ORC4: variants seen among roughly 807,000 people sequenced by gnomAD.
ORC4 encodes the protein origin recognition complex, subunit 4 homolog.
In ORC4, 55 loss-of-function variants were observed where a neutral mutation model predicts 63.9. The ratio of observed to expected loss-of-function variants is 0.86; its 90% CI spans 0.69 to 1.08. The LOEUF is 1.08. Ranked by LOEUF, ORC4 falls within the 50% of genes least tolerant of loss-of-function variation. The pLI, the probability that ORC4 is intolerant of heterozygous loss-of-function variation, is 0.00. For synonymous variants in ORC4, 150 were observed against 168.5 expected, an observed-to-expected ratio of 0.89 and a Z score of 0.85; for missense variants, 511 against 504.4, an observed-to-expected ratio of 1.01 and a Z score of -0.13.
rs185933488 is a variant in ORC4, at chr2:147,955,324, C to T, written c.436+23G>A. 3.0e-4 allele frequency: 453 copies of T among 1,529,656 alleles called. 1 individual carries two copies. The East Asian group carries it at 7.1e-3, about 24-fold the overall frequency. The allele number at this position is 1,529,656 out of a possible 1,614,324, so 94.8% of individuals were successfully genotyped here. ...TAAAGTTAAAACAGATCTTCTGAAA[C>T]GGCTGAATATGTTAATATTTACCTT... is the stretch of plus-strand genomic sequence containing the variant. On this transcript the variant is annotated intron_variant, in intron 7 of 13. Transcript: ENST00000392857.
intron 1 of ORC4, among the ~76,000 whole-genome samples, chr2:148,000,723 G>T (rs1424699572): frequency 6.6e-6 from 1 of 152,044 alleles, no homozygotes. Flanking sequence ...TGGATAAACT[G>T]ATAAAAATAC....
intron 1 of ORC4, among the ~76,000 whole-genome samples, chr2:148,010,151 A>C (rs1445510584): frequency 6.6e-6 from 1 of 152,194 alleles, no homozygotes; most frequent in East Asian, 1.9e-4. Context: ...ACAAATGAAA[A>C]TGGAAACACA....
Position 147,948,837 on chromosome 2 carries a change from A to T in ORC4, c.589-613T>A, listed in dbSNP as rs541690835. 3.3e-5 allele frequency among the ~76,000 whole-genome samples: 5 copies of T among 151,646 alleles called. No homozygotes were observed. The South Asian group carries it at 1.0e-3, about 31-fold the overall frequency. ...CGAAGTGTTCTTAAATGAAGAAAATACTTCCACAAAACTGATAGGCATTCA... is the reference window on the plus strand; with the variant it reads ...CGAAGTGTTCTTAAATGAAGAAAATTCTTCCACAAAACTGATAGGCATTCA... On this transcript the variant is annotated intron_variant, in intron 8 of 13. Transcript: ENST00000392857.
chr2:147,955,508 G>T, intron 6 of ORC4, 113 bp from the exon 7 acceptor site: 1 of 746,100 alleles, frequency 1.3e-6, no homozygotes, highest in South Asian at 1.6e-5. Context: ...AGTTATTAGA[G>T]TCATTGCCCA....
At chr2:147,982,235 C>T (rs1690930692) in intron 1 of ORC4, among the ~76,000 whole-genome samples, 1 of 151,902 alleles carries the variant, frequency 6.6e-6, no homozygotes, top group African/African-American at 2.4e-5. Context: ...TTTTATTTTT[C>T]CTAATCAGTG....
intron 1 of ORC4, among the ~76,000 whole-genome samples, chr2:147,976,438 C>A (rs1690562058): frequency 6.6e-6 from 1 of 152,076 alleles, no homozygotes; most frequent in African/African-American, 2.4e-5. Context: ...TTGGGTGATT[C>A]ACTTTATTGT....
rs1687809555 is a variant in ORC4, at chr2:147,932,259, G to C, written c.*3251C>G. On this transcript the variant is annotated 3_prime_UTR_variant, in exon 14 of 14. Transcript: ENST00000392857. ...AATCCAACTTACAAGGGATGTGAAGGACCTCTTCAAGGAGAACTACAAGCT... is the reference window on the plus strand; with the variant it reads ...AATCCAACTTACAAGGGATGTGAAGCACCTCTTCAAGGAGAACTACAAGCT... 6.6e-6 allele frequency: 1 copy of C among 151,880 alleles called. No homozygotes were observed. The highest frequency in any genetic ancestry group is 1.5e-5 in the Non-Finnish European group (1 of 68,006). The allele number at this position is 151,880 out of a possible 1,614,324, so 9.4% of individuals were successfully genotyped here.
Position 147,962,504 on chromosome 2 carries a change from T to C in ORC4, c.226-3638A>G, listed in dbSNP as rs539371137. ...CCATCTTCATTCCACCAAGCCCACA[T>C]AGGTGGCTGAACACACAACTCTAGC... On this transcript the variant is annotated intron_variant, in intron 4 of 13. Coordinates refer to ENST00000392857, the MANE Select transcript of ORC4 (RefSeq NM_181741.4). Among the ~76,000 whole-genome samples the C allele has an allele frequency of 2.1e-3, 321 of 152,176 alleles. 3 individuals carry two copies. The highest frequency in any genetic ancestry group is 7.3e-3 in the African/African-American group (305 of 41,512).
At chr2:148,020,402 G>A (rs1473390006) in intron 1 of ORC4, among the ~76,000 whole-genome samples, 2 of 152,130 alleles carry the variant, frequency 1.3e-5, no homozygotes, top group Non-Finnish European at 2.9e-5. Context: ...CAGGATCCCT[G>A]CACTTGTCAA....
chr2:147,999,710 G>T (rs937011268), intron 1 of ORC4, among the ~76,000 whole-genome samples: 24 of 151,908 alleles, frequency 1.6e-4, no homozygotes, highest in African/African-American at 4.8e-4. Context: ...TGACACCAGG[G>T]GTTTCCACCC....
intron 1 of ORC4, among the ~76,000 whole-genome samples, chr2:148,015,583 G>A (rs1693229945): frequency 6.6e-6 from 1 of 151,734 alleles, no homozygotes; most frequent in South Asian, 2.1e-4. Flanking sequence ...CAAAGTGCTG[G>A]GATTACAGGT....
At position 147,989,639 on chromosome 2, in the gene ORC4, G is replaced by A. The variant is rs146099044; in HGVS notation, c.-17-13664C>T. On this transcript the variant is annotated intron_variant, in intron 1 of 13. Coordinates refer to ENST00000392857, the MANE Select transcript of ORC4 (RefSeq NM_181741.4). ...GGAGAACTGCTTGAACCCAGGAGGC[G>A]GAGGTTGCAGTGAGCCAAGATCGCC... 7.1e-3 allele frequency among the ~76,000 whole-genome samples: 1,075 copies of A among 152,118 alleles called. 11 individuals are homozygous for A. The highest frequency in any genetic ancestry group is 0.024 in the African/African-American group (1,009 of 41,480).
At chr2:147,965,139 C>A (rs143526390) in intron 4 of ORC4, among the ~76,000 whole-genome samples, 3 of 151,984 alleles carry the variant, frequency 2.0e-5, no homozygotes, top group African/African-American at 2.4e-5. Flanking sequence ...ACTGGTACTG[C>A]GGATACATAA....
intron 4 of ORC4, among the ~76,000 whole-genome samples, chr2:147,965,143 T>C (rs1354981358): frequency 1.3e-5 from 2 of 151,926 alleles, no homozygotes; most frequent in Non-Finnish European, 2.9e-5. Context: ...GTACTGCGGA[T>C]ACATAAAGGA....
intron 13 of ORC4, among the ~76,000 whole-genome samples, chr2:147,937,613 A>T (rs1486163279): frequency 6.6e-6 from 1 of 152,160 alleles, no homozygotes; most frequent in Non-Finnish European, 1.5e-5. Context: ...TTAAAATTAA[A>T]CCTTTTTATT....
At chr2:147,988,295 C>G (rs1014792906) in intron 1 of ORC4, among the ~76,000 whole-genome samples, 2 of 151,660 alleles carry the variant, frequency 1.3e-5, no homozygotes, top group African/African-American at 2.4e-5. Flanking sequence ...ACTGTCAGCT[C>G]ATTAATACAC....
chr2:148,005,656 C>CAAAAAAAAAAAAAAAAAAAAAA (rs55869341), intron 1 of ORC4, among the ~76,000 whole-genome samples: 4 of 51,492 alleles, frequency 7.8e-5, no homozygotes, highest in Admixed American at 2.6e-4. Flanking sequence ...ACTATCCATG[C>CAAAAAAAAAAAAAAAAAAAAAA]AAAAAAAAAA....
intron 1 of ORC4, among the ~76,000 whole-genome samples, chr2:147,982,984 A>G (rs990313409): frequency 1.3e-5 from 2 of 152,252 alleles, no homozygotes; most frequent in African/African-American, 4.8e-5. Flanking sequence ...AAGATGTTTA[A>G]TATCATTATC....
intron 1 of ORC4, among the ~76,000 whole-genome samples, chr2:147,986,563 A>G (rs1484824667): frequency 1.3e-5 from 2 of 152,220 alleles, no homozygotes; most frequent in Non-Finnish European, 2.9e-5. Context: ...TAATATCTAC[A>G]AAGTTCTGAG....
Sources: allele counts gnomAD v4.1 joint callset (sites outside exome capture counted in the v4.1 genomes callset), GRCh38; gene constraint gnomAD v4.1.1; transcripts MANE v1.5; gene names NCBI Gene and HGNC (gene_info 2026-07-23, HGNC 2026-07-21).